Variants in TRDN observed in about 807,000 individuals in gnomAD.
TRDN encodes triadin.
Under a neutral mutation model 149.7 loss-of-function variants are expected in TRDN, and 161 were observed. The observed-to-expected ratio is 1.08, with a 90% CI of 0.95 to 1.23. TRDN has a LOEUF of 1.23. Among genes scored for constraint, TRDN ranks in the 50% most tolerant of loss-of-function variants. The probability of loss-of-function intolerance (pLI) is 0.00; values close to 1 mark genes in which losing one functional copy is unlikely to be tolerated. For synonymous variants in TRDN, 294 were observed against 250.5 expected (o/e 1.17, Z -1.64); for missense variants, 896 against 823.5 (o/e 1.09, Z -1.08).
chr6:123,513,893 A>C (rs987718513), intron 6 of TRDN, among the ~76,000 whole-genome samples: 1 of 152,062 alleles, frequency 6.6e-6, no homozygotes, highest in African/African-American at 2.4e-5. Flanking sequence ...GTGTTTAACA[A>C]AACAAAAAAC....
intron 12 of TRDN, among the ~76,000 whole-genome samples, chr6:123,433,182 T>TATATATACAC (rs1562310492): frequency 9.1e-5 from 13 of 143,362 alleles, no homozygotes; most frequent in African/African-American, 2.9e-4. Flanking sequence ...TATATATATA[T>TATATATACAC]ACATCACACA....
intron 9 of TRDN, among the ~76,000 whole-genome samples, chr6:123,474,702 G>T (rs1777369936): frequency 6.6e-6 from 1 of 151,736 alleles, no homozygotes; most frequent in Admixed American, 6.6e-5. Context: ...AAATGTAAAA[G>T]AACAGAAATT....
At chr6:123,439,201 C>T (rs1774742986) in intron 10 of TRDN, among the ~76,000 whole-genome samples, 198 bp from the exon 11 acceptor site, 2 of 152,168 alleles carry the variant, frequency 1.3e-5, no homozygotes, top group East Asian at 3.9e-4. Flanking sequence ...GTTTACAAAA[C>T]ACTGTGTAAA....
chr6:123,471,747 A>G (rs1024491760), intron 9 of TRDN: 1 of 152,244 alleles, frequency 6.6e-6, no homozygotes, highest in African/African-American at 2.4e-5. Context: ...TTGATTAAAA[A>G]TGATAAAGGT....
chr6:123,268,931 G>A (rs1260790478), intron 31 of TRDN, among the ~76,000 whole-genome samples: 2 of 151,952 alleles, frequency 1.3e-5, no homozygotes, highest in African/African-American at 2.4e-5. Context: ...ATGTGAATGT[G>A]TTCTGATTAG....
At position 123,548,498 on chromosome 6, in the gene TRDN, G is replaced by A. The variant is rs1781227703; in HGVS notation, c.347C>T (p.Ser116Phe). The change falls in exon 3 of 41, where the codon TCT (serine) becomes TTT (phenylalanine). Residue 116 changes from serine (S) to phenylalanine (F), a missense_variant. Physicochemically the swap from Ser to Phe is radical, Grantham distance 155. Coordinates refer to ENST00000334268, the MANE Select transcript of TRDN (RefSeq NM_006073.4). ...ACCATCATCATCTTCTTCATCTTCA[G>A]ATGAGATGATGTCAGATAACAAAGA... ...FFSLLSDIIS[S>F]EDEEDDDGDE... 1 of 1,576,922 alleles carries A rather than the reference G, an allele frequency of 6.3e-7. No individual in the cohort carries two copies. Among genetic ancestry groups the A allele is most frequent in the Non-Finnish European group, 8.6e-7 (1 of 1,160,820 alleles).
intron 23 of TRDN, among the ~76,000 whole-genome samples, chr6:123,322,366 C>CTAAT (rs1328958230): frequency 6.6e-6 from 1 of 152,084 alleles, no homozygotes; most frequent in African/African-American, 2.4e-5. Flanking sequence ...ACCAAATAAT[C>CTAAT]TAATATGTGA....
chr6:123,538,558 A>C (rs1458206897), intron 4 of TRDN, among the ~76,000 whole-genome samples: 1 of 152,160 alleles, frequency 6.6e-6, no homozygotes, highest in East Asian at 1.9e-4. Flanking sequence ...TGAAGCACCT[A>C]GTATGTGTAT....
chr6:123,525,306 G>A (rs1583189096), intron 5 of TRDN, among the ~76,000 whole-genome samples: 1 of 152,090 alleles, frequency 6.6e-6, no homozygotes, highest in Non-Finnish European at 1.5e-5. Context: ...CCAAACATAA[G>A]TGTCCATCAG....
At chr6:123,361,892 A>G (rs1242506662) in intron 20 of TRDN, among the ~76,000 whole-genome samples, 5 of 152,260 alleles carry the variant, frequency 3.3e-5, no homozygotes, top group Non-Finnish European at 5.9e-5. Flanking sequence ...AATTACCTCC[A>G]TGCAAAGGGC....
At chr6:123,499,719 A>AAAAAAAAAAAAATATAT in intron 8 of TRDN, among the ~76,000 whole-genome samples, 6 of 47,680 alleles carry the variant, frequency 1.3e-4, no homozygotes, top group African/African-American at 4.3e-4. Flanking sequence ...AAAAAAAAAA[A>AAAAAAAAAAAAATATAT]ATATATATAT....
At chr6:123,519,374 A>G (rs1284306939) in intron 5 of TRDN, among the ~76,000 whole-genome samples, 1 of 151,250 alleles carries the variant, frequency 6.6e-6, no homozygotes, top group East Asian at 2.0e-4. Context: ...GCCCTCCCCA[A>G]GCTGTGCTCT....
rs986437194 is a variant in TRDN, at chr6:123,358,050, A to C, written c.1322-5464T>G. Reference sequence around the variant, plus strand: ...TTAGAAATAAACAGCTCATCTAAGTAAGTGAATTTTTTAACTTCTTGGAGT... The same window carrying C: ...TTAGAAATAAACAGCTCATCTAAGTCAGTGAATTTTTTAACTTCTTGGAGT... On this transcript the variant is annotated intron_variant, in intron 20 of 40. Transcript: ENST00000334268. Among the ~76,000 whole-genome samples, 25 of 152,352 alleles carry C rather than the reference A, an allele frequency of 1.6e-4. 1 individual carries two copies. Among genetic ancestry groups the C allele is most frequent in the Admixed American group, 1.2e-3 (19 of 15,302 alleles).
intron 2 of TRDN, among the ~76,000 whole-genome samples, chr6:123,558,378 C>T (rs1781795043): frequency 6.6e-6 from 1 of 152,282 alleles, no homozygotes; most frequent in South Asian, 2.1e-4. Context: ...CCCCTCCTCA[C>T]ACCCGGTCCG....
intron 30 of TRDN, 94 bp downstream of exon 30, chr6:123,271,039 CTGTGTG>C (rs35914221): frequency 3.1e-5 from 13 of 420,390 alleles, no homozygotes; most frequent in African/African-American, 1.2e-4. Flanking sequence ...CAGTGAAGGG[CTGTGTG>C]TGTGTGTGTG....
intron 21 of TRDN, chr6:123,351,035 T>C: frequency 1.1e-6 from 1 of 934,912 alleles, no homozygotes; most frequent in South Asian, 5.1e-5. Flanking sequence ...GTACTATTAT[T>C]AGTGTGGGTG....
At chr6:123,516,483 T>A (rs1159236031) in intron 5 of TRDN, among the ~76,000 whole-genome samples, 2 of 152,076 alleles carry the variant, frequency 1.3e-5, no homozygotes, top group African/African-American at 4.8e-5. Flanking sequence ...AATCTTTAAT[T>A]GAAATAATTG....
At chr6:123,325,998 C>A (rs1471203800) in intron 23 of TRDN, among the ~76,000 whole-genome samples, 2 of 152,062 alleles carry the variant, frequency 1.3e-5, no homozygotes, top group South Asian at 2.1e-4. Flanking sequence ...ACTGAACATG[C>A]AAAATTACCA....
intron 38 of TRDN, among the ~76,000 whole-genome samples, chr6:123,248,644 G>A (rs1270618296): frequency 6.6e-6 from 1 of 152,052 alleles, no homozygotes; most frequent in Non-Finnish European, 1.5e-5. Context: ...ATAAACTCCT[G>A]AAAACATAAA....
Sources: gnomAD v4.1 joint callset for allele counts (sites outside exome capture counted in the v4.1 genomes callset) on GRCh38, gnomAD v4.1.1 for gene constraint, MANE v1.5 for transcripts, NCBI Gene and HGNC (gene_info 2026-07-23, HGNC 2026-07-21) for gene names.